The following NLRP14 variants were observed in gnomAD, a reference collection of about 807,000 sequenced individuals.
The protein encoded by NLRP14 is NACHT, LRR and PYD domains-containing protein 14.
In NLRP14, 105 loss-of-function variants were observed where a neutral mutation model predicts 94.7. The observed-to-expected ratio is 1.11, with a 90% CI of 0.95 to 1.30. The LOEUF (loss-of-function observed/expected upper bound fraction) is 1.30, where lower values mean the gene tolerates loss of function less well. NLRP14 is among the 50% of genes most tolerant of loss of function. The probability of loss-of-function intolerance (pLI) is 0.00; values close to 1 mark genes in which losing one functional copy is unlikely to be tolerated. For synonymous variants in NLRP14, 508 were observed against 459.9 expected (o/e 1.10, Z -1.34); for missense variants, 1,362 against 1,254.1 (o/e 1.09, Z -1.30).
downstream of NLRP14, among the ~76,000 whole-genome samples, chr11:7,076,244 C>T (rs1180442650): frequency 6.6e-6 from 1 of 152,158 alleles, no homozygotes; most frequent in African/African-American, 2.4e-5. Flanking sequence ...TCCCCTCATG[C>T]TAAACTCAGC....
rs1031298147 is a variant in NLRP14, at chr11:7,038,813, T to A, written c.227T>A (p.Leu76His). 1 of 1,612,916 alleles carries A rather than the reference T, an allele frequency of 6.2e-7. No homozygotes were observed. The highest frequency in any genetic ancestry group is 8.5e-7 in the Non-Finnish European group (1 of 1,179,724). ...YPGEKAWSVSLKIFGKMNLKD... is the reference protein window; with the variant it reads ...YPGEKAWSVSHKIFGKMNLKD... The stretch of plus-strand genomic sequence containing the variant: ...GGAGAGAAAGCCTGGAGTGTGTCTC[T>A]CAAAATCTTTGGCAAGATGAACCTG... The change falls in exon 2 of 12, where the codon CTC (leucine) becomes CAC (histidine). Residue 76 changes from leucine to histidine, a missense_variant. By Grantham distance (99) the Leu-to-His change is moderately conservative. Coordinates refer to ENST00000299481, the MANE Select transcript of NLRP14 (RefSeq NM_176822.4).
At chr11:7,045,646 T>A (rs1852336210) in intron 4 of NLRP14, among the ~76,000 whole-genome samples, 1 of 152,134 alleles carries the variant, frequency 6.6e-6, no homozygotes, top group Non-Finnish European at 1.5e-5. Context: ...CACTATGAAC[T>A]GTCATTCATT....
chr11:7,078,248 C>G, the NLRP14 span, among the ~76,000 whole-genome samples: 1 of 150,978 alleles, frequency 6.6e-6, no homozygotes, highest in Non-Finnish European at 1.5e-5. Context: ...ACCATCCTGG[C>G]TAACATGGCA....
intron 1 of NLRP14, among the ~76,000 whole-genome samples, chr11:7,038,010 G>A (rs1329435308): frequency 6.6e-6 from 1 of 151,302 alleles, no homozygotes. Context: ...GACCAGAAAT[G>A]ACATGACAAG....
intron 3 of NLRP14, among the ~76,000 whole-genome samples, chr11:7,041,626 T>C (rs1229521054): frequency 6.6e-6 from 1 of 152,220 alleles, no homozygotes; most frequent in Non-Finnish European, 1.5e-5. Context: ...TGTTAGACAC[T>C]GACCATGCAA....
intron 10 of NLRP14, among the ~76,000 whole-genome samples, chr11:7,067,558 G>C (rs1446608421): frequency 6.6e-6 from 1 of 152,140 alleles, no homozygotes; most frequent in Non-Finnish European, 1.5e-5. Context: ...TGTATCCTGA[G>C]ACTTTGCTGA....
chr11:7,066,472 T>A (rs1052753361), intron 10 of NLRP14, among the ~76,000 whole-genome samples: 1 of 152,250 alleles, frequency 6.6e-6, no homozygotes, highest in African/African-American at 2.4e-5. Flanking sequence ...ATGATGAGCT[T>A]TTTTTCATAT....
At chr11:7,065,630 T>C (rs1355741429) in intron 10 of NLRP14, among the ~76,000 whole-genome samples, 2 of 152,162 alleles carry the variant, frequency 1.3e-5, no homozygotes, top group Non-Finnish European at 2.9e-5. Context: ...TCACAATGTT[T>C]GAAGCACAAC....
At chr11:7,089,724 C>T in the NLRP14 span, 51 of 1,531,266 alleles carry the variant, frequency 3.3e-5, no homozygotes, top group Middle Eastern at 5.1e-4. Context: ...GCTGCCCCCG[C>T]GCCGCGACCC....
chr11:7,044,613 T>C (rs1852323875), intron 4 of NLRP14, among the ~76,000 whole-genome samples: 1 of 152,172 alleles, frequency 6.6e-6, no homozygotes, highest in Non-Finnish European at 1.5e-5. Flanking sequence ...CTTAAGTGTT[T>C]TACGTACATT....
chr11:7,055,274 A>G (rs543070101), intron 6 of NLRP14, among the ~76,000 whole-genome samples: 171 of 152,212 alleles, frequency 1.1e-3, no homozygotes, highest in African/African-American at 4.0e-3. Flanking sequence ...TTCTCTTGGC[A>G]ATATCATTCC....
intron 1 of NLRP14, among the ~76,000 whole-genome samples, chr11:7,028,330 A>C (rs1461448479): frequency 6.6e-6 from 1 of 151,988 alleles, no homozygotes; most frequent in Non-Finnish European, 1.5e-5. Context: ...TTACCTCCCA[A>C]TCTGTTCTGT....
chr11:7,088,902 C>T, the NLRP14 span: 3 of 591,874 alleles, frequency 5.1e-6, no homozygotes, highest in Non-Finnish European at 9.0e-6. Flanking sequence ...ACAAAACTGC[C>T]GACTTTCCCG....
chr11:7,059,733 A>T lies in NLRP14; in HGVS notation c.2634-161A>T, dbSNP rs531843372. 4.6e-5 allele frequency among the ~76,000 whole-genome samples: 7 copies of T among 152,138 alleles called. No homozygotes were observed. The South Asian group carries it at 6.2e-4, about 13-fold the overall frequency. On this transcript the variant is annotated intron_variant, in intron 8 of 11. Coordinates refer to ENST00000299481, the MANE Select transcript of NLRP14 (RefSeq NM_176822.4). ...TAGTTTGTAGCCCAATTTGATGTATATCTGTTTCCCAAGTGAGACAGGCTG... is the reference window on the plus strand; with the variant it reads ...TAGTTTGTAGCCCAATTTGATGTATTTCTGTTTCCCAAGTGAGACAGGCTG...
chr11:7,037,829 A>G (rs1343188852), intron 1 of NLRP14, among the ~76,000 whole-genome samples: 1 of 152,182 alleles, frequency 6.6e-6, no homozygotes, highest in East Asian at 1.9e-4. Context: ...CATTAGAGTA[A>G]ACTGCCAGAG....
At chr11:7,040,242 CCT>C (rs1565015051) in intron 3 of NLRP14, among the ~76,000 whole-genome samples, 1 of 152,126 alleles carries the variant, frequency 6.6e-6, no homozygotes, top group African/African-American at 2.4e-5. Flanking sequence ...GCCACAGACC[CCT>C]ACTGGTCGGC....
intron 1 of NLRP14, among the ~76,000 whole-genome samples, chr11:7,036,567 G>C (rs890920569): frequency 6.6e-6 from 1 of 152,150 alleles, no homozygotes; most frequent in African/African-American, 2.4e-5. Flanking sequence ...CCTTGTTAAA[G>C]TTAGGTGCAT....
chr11:7,087,196 A>T, the NLRP14 span, among the ~76,000 whole-genome samples: 1 of 152,224 alleles, frequency 6.6e-6, no homozygotes, highest in Admixed American at 6.5e-5. Flanking sequence ...AAAATCTTTG[A>T]ATCTACCTAT....
intron 5 of NLRP14, among the ~76,000 whole-genome samples, chr11:7,049,107 GA>G (rs1331706666): frequency 6.6e-6 from 1 of 152,148 alleles, no homozygotes; most frequent in Non-Finnish European, 1.5e-5. Context: ...GGGACTAGCA[GA>G]GACACTATAG....
Sources: allele counts gnomAD v4.1 joint callset (sites outside exome capture counted in the v4.1 genomes callset), GRCh38; gene constraint gnomAD v4.1.1; transcripts MANE v1.5; gene names NCBI Gene and HGNC (gene_info 2026-07-23, HGNC 2026-07-21).